MAGI2: variants seen among roughly 807,000 people sequenced by gnomAD.
MAGI2 encodes membrane associated guanylate kinase, WW and PDZ domain containing 2, also known as membrane-associated guanylate kinase, WW and PDZ domain-containing protein 2.
MAGI2 carries 35 observed loss-of-function variants against 133.3 expected under a neutral mutation model. The observed-to-expected ratio is 0.26, with a 90% CI of 0.20 to 0.35. MAGI2 has a LOEUF of 0.35. MAGI2 is among the 10% of genes least tolerant of loss of function. The pLI, the probability that MAGI2 is intolerant of heterozygous loss-of-function variation, is 1.00. For missense variants in MAGI2, 1,636 were observed against 1,863.4 expected (o/e 0.88, Z 2.25); for synonymous variants, 729 against 710.6 (o/e 1.03, Z -0.41).
Position 78,127,419 on chromosome 7 carries a change from A to G in MAGI2, c.3204-3T>C, listed in dbSNP as rs370264958. 4.5e-5 allele frequency: 72 copies of G among 1,592,644 alleles called. No homozygotes were observed. Among genetic ancestry groups the G allele is most frequent in the South Asian group, 7.7e-5 (7 of 90,934 alleles). On this transcript the variant is annotated splice_region_variant and splice_polypyrimidine_tract_variant and intron_variant, in intron 18 of 21. Transcript: ENST00000354212. ...TTGCTTTCACTTCCGACCTGTAACT[A>G]AATCAATGGAAATGGGATTTGCTTT...
intron 1 of MAGI2, among the ~76,000 whole-genome samples, chr7:79,342,794 T>C (rs1840998527): frequency 6.6e-6 from 1 of 152,144 alleles, no homozygotes; most frequent in South Asian, 2.1e-4. Flanking sequence ...AGTTTCGCTT[T>C]TGTTGCCCAA....
chr7:78,817,742 T>C (rs1169336312), intron 2 of MAGI2, among the ~76,000 whole-genome samples: 1 of 151,892 alleles, frequency 6.6e-6, no homozygotes, highest in East Asian at 1.9e-4. Context: ...TGGAGTTGTA[T>C]TCTGTAGCCC....
chr7:78,795,726 C>T (rs916987407), intron 2 of MAGI2, among the ~76,000 whole-genome samples: 1 of 152,088 alleles, frequency 6.6e-6, no homozygotes, highest in African/African-American at 2.4e-5. Context: ...CATCACATTA[C>T]CTGATTTCAA....
chr7:79,093,019 A>T (rs1817199988), intron 1 of MAGI2, among the ~76,000 whole-genome samples: 1 of 152,164 alleles, frequency 6.6e-6, no homozygotes, highest in African/African-American at 2.4e-5. Context: ...AAAGATTATT[A>T]TGTCTTTAGA....
At position 79,087,090 on chromosome 7, in the gene MAGI2, T is replaced by C. The variant is rs1816578749; in HGVS notation, c.302-79884A>G. The stretch of plus-strand genomic sequence containing the variant: ...AAAATTAATCAGATATACTCTACCA[T>C]TTCCCTTCATAAATAAAAAGAAAAG... On this transcript the variant is annotated intron_variant, in intron 1 of 21. Coordinates refer to ENST00000354212, the MANE Select transcript of MAGI2 (RefSeq NM_012301.4). Among the ~76,000 whole-genome samples the C allele has an allele frequency of 2.6e-5, 4 of 151,836 alleles. No individual in the cohort carries two copies. In the South Asian group the frequency reaches 8.3e-4, roughly 31 times the overall value.
At chr7:79,327,840 T>A (rs1182246060) in intron 1 of MAGI2, among the ~76,000 whole-genome samples, 1 of 152,180 alleles carries the variant, frequency 6.6e-6, no homozygotes, top group East Asian at 1.9e-4. Context: ...TATATTTTTT[T>A]CCAAGCATTT....
chr7:78,085,883 C>A (rs1816584840), intron 20 of MAGI2, among the ~76,000 whole-genome samples: 1 of 144,490 alleles, frequency 6.9e-6, no homozygotes, highest in African/African-American at 2.8e-5. Context: ...AAATATCCGG[C>A]CTTTGACTTG....
chr7:78,028,750 G>A (rs1212241277), intron 21 of MAGI2, among the ~76,000 whole-genome samples: 2 of 151,236 alleles, frequency 1.3e-5, no homozygotes, highest in Admixed American at 1.3e-4. Flanking sequence ...AGCTACTCGG[G>A]AGGCAGGAGA....
At chr7:78,200,307 AAT>A (rs1339894672) in intron 11 of MAGI2, among the ~76,000 whole-genome samples, 1 of 152,198 alleles carries the variant, frequency 6.6e-6, no homozygotes, top group Admixed American at 6.5e-5. Flanking sequence ...TTGGGCAATT[AAT>A]AGTTTCAATC....
At chr7:79,180,119 T>A (rs951675434) in intron 1 of MAGI2, among the ~76,000 whole-genome samples, 4 of 151,974 alleles carry the variant, frequency 2.6e-5, no homozygotes, top group Non-Finnish European at 4.4e-5. Flanking sequence ...CGAATTGATA[T>A]CTTTCAAAAG....
intron 1 of MAGI2, among the ~76,000 whole-genome samples, chr7:79,087,772 T>C (rs1816660457): frequency 6.6e-6 from 1 of 152,098 alleles, no homozygotes; most frequent in African/African-American, 2.4e-5. Context: ...CCATTGCTTG[T>C]TTTTGTCAGG....
At chr7:79,203,040 T>G (rs912093104) in intron 1 of MAGI2, among the ~76,000 whole-genome samples, 1 of 151,990 alleles carries the variant, frequency 6.6e-6, no homozygotes, top group Non-Finnish European at 1.5e-5. Flanking sequence ...ATCTTTCCAT[T>G]TTAGTACAGA....
intron 1 of MAGI2, among the ~76,000 whole-genome samples, chr7:79,325,508 A>C (rs1839621099): frequency 6.6e-6 from 1 of 152,286 alleles, no homozygotes; most frequent in South Asian, 2.1e-4. Context: ...TAGGTGTATC[A>C]GTTATGGTGC....
intron 2 of MAGI2, among the ~76,000 whole-genome samples, chr7:78,688,947 T>C (rs1370484077): frequency 6.6e-6 from 1 of 152,190 alleles, no homozygotes; most frequent in Non-Finnish European, 1.5e-5. Flanking sequence ...TATGAAAATA[T>C]AGTAGTCCAG....
chr7:78,028,689 T>C (rs1809218460), intron 21 of MAGI2, among the ~76,000 whole-genome samples: 1 of 151,904 alleles, frequency 6.6e-6, no homozygotes, highest in East Asian at 1.9e-4. Flanking sequence ...ACACCATCTC[T>C]ACTAAAAATA....
chr7:78,973,345 C>T (rs1803951786), intron 2 of MAGI2, among the ~76,000 whole-genome samples: 1 of 151,520 alleles, frequency 6.6e-6, no homozygotes, highest in Non-Finnish European at 1.5e-5. Flanking sequence ...GTATTTATAT[C>T]TTGTATGTCT....
chr7:78,241,561 G>A (rs1294939199), intron 10 of MAGI2, among the ~76,000 whole-genome samples: 1 of 152,164 alleles, frequency 6.6e-6, no homozygotes, highest in Non-Finnish European at 1.5e-5. Context: ...GATACCTTGT[G>A]AATTTTAATA....
At chr7:78,396,336 T>C (rs1796343143) in intron 6 of MAGI2, among the ~76,000 whole-genome samples, 1 of 152,292 alleles carries the variant, frequency 6.6e-6, no homozygotes, top group African/African-American at 2.4e-5. Context: ...CTTCTCATCA[T>C]ACCACTTCTC....
intron 2 of MAGI2, among the ~76,000 whole-genome samples, chr7:78,653,841 C>T (rs538894788): frequency 2.0e-5 from 3 of 151,044 alleles, no homozygotes; most frequent in Non-Finnish European, 2.9e-5. Flanking sequence ...CTTCCCATAC[C>T]ACTTGTCCAT....
Sources: gnomAD v4.1 joint callset for allele counts (sites outside exome capture counted in the v4.1 genomes callset) on GRCh38, gnomAD v4.1.1 for gene constraint, MANE v1.5 for transcripts, NCBI Gene and HGNC (gene_info 2026-07-23, HGNC 2026-07-21) for gene names.